The following DNAJC1 variants were observed in gnomAD, a reference collection of about 807,000 sequenced individuals.
DNAJC1 encodes DnaJ heat shock protein family (Hsp40) member C1.
A neutral mutation model predicts 76.6 loss-of-function variants in DNAJC1; 58 were observed. The observed-to-expected ratio is 0.76, with a 90% CI of 0.61 to 0.94. The LOEUF is 0.94. Ranked by LOEUF, DNAJC1 falls within the 40% of genes least tolerant of loss-of-function variation. The pLI is 0.00. For missense variants in DNAJC1, 689 were observed against 677.3 expected, an observed-to-expected ratio of 1.02 and a Z score of -0.19; for synonymous variants, 258 against 267.9, an observed-to-expected ratio of 0.96 and a Z score of 0.36.
intron 9 of DNAJC1, among the ~76,000 whole-genome samples, chr10:21,794,539 T>G (rs1336692770): frequency 6.6e-6 from 1 of 152,056 alleles, no homozygotes; most frequent in Non-Finnish European, 1.5e-5. Context: ...ACTTGACCCT[T>G]AAATCTCACA....
intron 7 of DNAJC1, among the ~76,000 whole-genome samples, chr10:21,891,236 G>C (rs965305045): frequency 2.0e-5 from 3 of 151,752 alleles, no homozygotes; most frequent in African/African-American, 7.3e-5. Flanking sequence ...TATCAAAGCA[G>C]CCATGTCATA....
At chr10:21,826,518 A>C (rs2131664056) in intron 8 of DNAJC1, among the ~76,000 whole-genome samples, 1 of 152,250 alleles carries the variant, frequency 6.6e-6, no homozygotes, top group South Asian at 2.1e-4. Context: ...ATGAAATCTA[A>C]GTTATCTATC....
intron 9 of DNAJC1, among the ~76,000 whole-genome samples, chr10:21,780,272 C>T (rs1834509702): frequency 6.6e-6 from 1 of 152,094 alleles, no homozygotes; most frequent in Admixed American, 6.5e-5. Context: ...TTGAGAAGAG[C>T]AACTCCAAGA....
At chr10:21,959,570 G>A (rs574504583) in intron 1 of DNAJC1, among the ~76,000 whole-genome samples, 1 of 152,094 alleles carries the variant, frequency 6.6e-6, no homozygotes, top group South Asian at 2.1e-4. Context: ...CAGATCACCT[G>A]AGGTCAGGAG....
intron 8 of DNAJC1, among the ~76,000 whole-genome samples, chr10:21,806,788 C>T (rs1156525064): frequency 2.0e-5 from 3 of 151,740 alleles, no homozygotes; most frequent in Non-Finnish European, 2.9e-5. Context: ...TGTAAAGCAG[C>T]ATTTCATTTT....
chr10:21,946,218 T>A (rs1277419637), intron 1 of DNAJC1, among the ~76,000 whole-genome samples: 1 of 151,880 alleles, frequency 6.6e-6, no homozygotes, highest in East Asian at 1.9e-4. Context: ...ATATTTATAT[T>A]TTTAGTAGAG....
intron 8 of DNAJC1, among the ~76,000 whole-genome samples, chr10:21,830,274 T>C (rs117796953): frequency 7.5e-4 from 114 of 152,358 alleles, no homozygotes; most frequent in Non-Finnish European, 1.4e-3. Flanking sequence ...GTAGACTTCA[T>C]GGTAAGGGTC....
At chr10:21,966,832 C>T (rs532371187) in intron 1 of DNAJC1, among the ~76,000 whole-genome samples, 11 of 151,602 alleles carry the variant, frequency 7.3e-5, no homozygotes, top group South Asian at 2.1e-4. Context: ...ATTACAGGCA[C>T]GTGCCACCAC....
At chr10:21,823,206 C>T (rs1255945297) in intron 8 of DNAJC1, among the ~76,000 whole-genome samples, 2 of 152,038 alleles carry the variant, frequency 1.3e-5, no homozygotes, top group Admixed American at 1.3e-4. Context: ...TAGGAGAAAA[C>T]TAAAACTTAG....
intron 7 of DNAJC1, among the ~76,000 whole-genome samples, chr10:21,889,208 A>G (rs1379969979): frequency 6.6e-6 from 1 of 152,002 alleles, no homozygotes; most frequent in Non-Finnish European, 1.5e-5. Flanking sequence ...GGCAGAAACG[A>G]GAGAGAGAGG....
intron 6 of DNAJC1, among the ~76,000 whole-genome samples, chr10:21,912,590 T>G (rs190087431): frequency 1.3e-5 from 2 of 152,152 alleles, no homozygotes; most frequent in Admixed American, 6.5e-5. Context: ...TTCATTTGTT[T>G]ATGTATTTCC....
At chr10:21,954,295 A>T (rs907797272) in intron 1 of DNAJC1, among the ~76,000 whole-genome samples, 14 of 152,172 alleles carry the variant, frequency 9.2e-5, no homozygotes, top group Non-Finnish European at 1.5e-5. Context: ...AGACACTCTC[A>T]TTGTACTCTC....
In DNAJC1 at chr10:21,928,516, G is replaced by C; in HGVS notation, c.361C>G (p.Arg121Gly). 6.2e-7 allele frequency: 1 copy of C among 1,612,672 alleles called. No homozygotes were observed. The highest frequency in any genetic ancestry group is 8.5e-7 in the Non-Finnish European group (1 of 1,179,092). The part of the protein sequence containing the change: ...AIYEVLKDDE[R>G]RQRYDDILIN... ...GAAATGAACACTCACCTCTGCCTTC[G>C]TTCATCATCCTTTAAAACTTCATAA... Residue 121 changes from arginine (R) to glycine (G), a missense_variant, in exon 3 of 12, where the codon CGA becomes GGA. Physicochemically the swap from Arg to Gly is moderately radical, Grantham distance 125 (BLOSUM62 -2). Transcript: ENST00000376980.
At chr10:21,858,786 G>C (rs967586533) in intron 8 of DNAJC1, among the ~76,000 whole-genome samples, 2 of 152,088 alleles carry the variant, frequency 1.3e-5, no homozygotes, top group African/African-American at 4.8e-5. Context: ...GGAGGAAAAG[G>C]AAGAAAATAT....
intron 8 of DNAJC1, among the ~76,000 whole-genome samples, chr10:21,815,458 T>C (rs1338997697): frequency 1.3e-5 from 2 of 152,180 alleles, no homozygotes; most frequent in Admixed American, 1.3e-4. Context: ...ATAACTGCTA[T>C]TGCTATCAGT....
intron 9 of DNAJC1, among the ~76,000 whole-genome samples, chr10:21,799,090 T>C (rs1834781845): frequency 6.6e-6 from 1 of 152,148 alleles, no homozygotes; most frequent in South Asian, 2.1e-4. Context: ...TGAAAAATAA[T>C]CTGTAAAACA....
intron 1 of DNAJC1, among the ~76,000 whole-genome samples, chr10:21,950,920 G>A (rs1455052279): frequency 6.6e-6 from 1 of 152,188 alleles, no homozygotes; most frequent in African/African-American, 2.4e-5. Context: ...GTTGGATCAC[G>A]AGGCTTAAGG....
chr10:21,947,589 T>C (rs1341922448), intron 1 of DNAJC1, among the ~76,000 whole-genome samples: 1 of 152,238 alleles, frequency 6.6e-6, no homozygotes, highest in East Asian at 1.9e-4. Context: ...ATTGTTTATG[T>C]TAGTGGTAGG....
intron 1 of DNAJC1, among the ~76,000 whole-genome samples, chr10:21,964,241 G>A (rs1271139375): frequency 6.6e-6 from 1 of 151,964 alleles, no homozygotes; most frequent in Non-Finnish European, 1.5e-5. Context: ...TTTAGACAGG[G>A]TCTCACTCTG....
Sources: gnomAD v4.1 joint callset for allele counts (sites outside exome capture counted in the v4.1 genomes callset) on GRCh38, gnomAD v4.1.1 for gene constraint, MANE v1.5 for transcripts, NCBI Gene and HGNC (gene_info 2026-07-23, HGNC 2026-07-21) for gene names.